The following FMN1 variants were observed in gnomAD, a reference collection of about 807,000 sequenced individuals.
The protein encoded by FMN1 is formin-1.
Under a neutral mutation model 132.4 loss-of-function variants are expected in FMN1, and 110 were observed. The ratio of observed to expected loss-of-function variants is 0.83; its 90% confidence interval spans 0.71 to 0.97. FMN1 has a LOEUF of 0.97. Ranked by LOEUF, FMN1 falls within the 50% of genes least tolerant of loss-of-function variation. FMN1 has a pLI of 0.00. For missense variants in FMN1, 1,792 were observed against 1,705.3 expected, an observed-to-expected ratio of 1.05 and a Z score of -0.90; for synonymous variants, 722 against 651.7, an observed-to-expected ratio of 1.11 and a Z score of -1.64.
Position 33,018,421 on chromosome 15 carries a change from G to T in FMN1, c.2162-10346C>A, listed in dbSNP as rs115687614. Among the ~76,000 whole-genome samples, 710 of 152,254 alleles carry T rather than the reference G, an allele frequency of 4.7e-3. 8 individuals are homozygous for T. The highest frequency in any genetic ancestry group is 0.016 in the African/African-American group (684 of 41,542). ...AACCTATGGGGAGGGCAGAGGAGCT[G>T]AAGGTTGAGTCGCTCACCAATGGCC... On this transcript the variant is annotated intron_variant, in intron 6 of 20. Transcript: ENST00000616417.
chr15:32,862,565 T>C, intron 16 of FMN1, among the ~76,000 whole-genome samples: 1 of 152,198 alleles, frequency 6.6e-6, no homozygotes, highest in East Asian at 1.9e-4. Flanking sequence ...GATATTAGGC[T>C]GTTAAGGTCA....
At chr15:33,067,773 G>A in intron 5 of FMN1, 1 of 1,613,930 alleles carries the variant, frequency 6.2e-7, no homozygotes, top group Non-Finnish European at 8.5e-7. Context: ...AACCCAAATA[G>A]GGATTTCATA....
chr15:32,885,719 T>A (rs2059881567), intron 16 of FMN1, among the ~76,000 whole-genome samples: 1 of 152,208 alleles, frequency 6.6e-6, no homozygotes, highest in Non-Finnish European at 1.5e-5. Context: ...GAAAGATGCT[T>A]AATGACAACT....
intron 7 of FMN1, among the ~76,000 whole-genome samples, chr15:32,976,184 C>G (rs1217058052): frequency 6.6e-6 from 1 of 152,086 alleles, no homozygotes; most frequent in African/African-American, 2.4e-5. Flanking sequence ...GGGACTCTTC[C>G]AAATTCTACA....
intron 4 of FMN1, among the ~76,000 whole-genome samples, chr15:33,093,469 T>C (rs535639047): frequency 2.0e-5 from 3 of 152,324 alleles, no homozygotes; most frequent in African/African-American, 4.8e-5. Context: ...TAATCACTCA[T>C]GTCTGTATCT....
intron 14 of FMN1, chr15:32,899,705 G>A: frequency 2.1e-6 from 1 of 472,382 alleles, no homozygotes; most frequent in South Asian, 2.6e-5. Flanking sequence ...TTCTCTCACT[G>A]AGTAGCAGTT....
At chr15:33,139,516 G>T (rs545387736) in intron 4 of FMN1, among the ~76,000 whole-genome samples, 2 of 152,288 alleles carry the variant, frequency 1.3e-5, no homozygotes, top group South Asian at 4.1e-4. Context: ...ACTTGAATCC[G>T]GGAGGTGGAG....
intron 9 of FMN1, among the ~76,000 whole-genome samples, chr15:32,938,298 G>A (rs368036898): frequency 2.0e-5 from 3 of 152,136 alleles, no homozygotes; most frequent in Admixed American, 6.5e-5. Flanking sequence ...AGAGGTCGAG[G>A]TGGGTGGATC....
chr15:33,127,605 G>C (rs1963220253), intron 4 of FMN1, among the ~76,000 whole-genome samples: 1 of 151,328 alleles, frequency 6.6e-6, no homozygotes, highest in African/African-American at 2.4e-5. Flanking sequence ...AGTCAACCAA[G>C]ACAGAAGTTA....
At chr15:32,905,091 T>A (rs555122363) in intron 12 of FMN1, among the ~76,000 whole-genome samples, 1 of 152,336 alleles carries the variant, frequency 6.6e-6, no homozygotes, top group East Asian at 1.9e-4. Context: ...TTCCCTTCTT[T>A]CTCCAATGTA....
At chr15:33,190,214 A>G (rs1476327813) in intron 2 of FMN1, among the ~76,000 whole-genome samples, 17 of 152,214 alleles carry the variant, frequency 1.1e-4, no homozygotes, top group Admixed American at 1.1e-3. Flanking sequence ...GCTCTTTAAT[A>G]CTTAGAAGTA....
chr15:32,799,069 G>C, intron 18 of FMN1, 116 bp from the exon 19 acceptor site: 1 of 737,356 alleles, frequency 1.4e-6, no homozygotes, highest in Non-Finnish European at 2.2e-6. Context: ...TTGTAACACA[G>C]AAGCTGGGGG....
At chr15:32,941,821 T>A (rs1367089538) in intron 9 of FMN1, among the ~76,000 whole-genome samples, 1 of 151,540 alleles carries the variant, frequency 6.6e-6, no homozygotes, top group East Asian at 1.9e-4. Context: ...AAGATCACCA[T>A]TTTTTTTTAA....
At chr15:33,114,018 T>TCCC (rs1489233416) in intron 4 of FMN1, among the ~76,000 whole-genome samples, 1 of 152,190 alleles carries the variant, frequency 6.6e-6, no homozygotes, top group Non-Finnish European at 1.5e-5. Flanking sequence ...TCAAGCCTCC[T>TCCC]CCCCTTGGCA....
intron 4 of FMN1, among the ~76,000 whole-genome samples, chr15:33,097,907 CT>C (rs1433549607): frequency 6.6e-6 from 1 of 152,226 alleles, no homozygotes; most frequent in South Asian, 2.1e-4. Flanking sequence ...TCAATTTTAC[CT>C]CACATTTATA....
At chr15:33,127,327 C>A (rs1325417703) in intron 4 of FMN1, among the ~76,000 whole-genome samples, 1 of 151,840 alleles carries the variant, frequency 6.6e-6, no homozygotes, top group African/African-American at 2.4e-5. Flanking sequence ...CCTCCACATT[C>A]AACCTGGACC....
rs1567149947 is a variant in FMN1 at position 32,777,667 on chromosome 15, C to CATAACACATTTATATATTACGT, written c.4131-770_4131-749dup. Among the ~76,000 whole-genome samples, 20 of 102,638 alleles carry CATAACACATTTATATATTACGT rather than the reference C, an allele frequency of 1.9e-4. 1 individual carries two copies. Among genetic ancestry groups the CATAACACATTTATATATTACGT allele is most frequent in the African/African-American group, 6.7e-4 (18 of 26,980 alleles). The allele number at this position is 102,638 out of a possible 152,430, so 67.3% of individuals were successfully genotyped here. ...TAACACATTTATATATTACGTATAA[C>CATAACACATTTATATATTACGT]ATAACACATTTATATATTACGTATA... On this transcript the variant is annotated intron_variant, in intron 19 of 20. Transcript: ENST00000616417.
At chr15:33,186,457 A>T (rs1965890453) in intron 2 of FMN1, among the ~76,000 whole-genome samples, 1 of 152,046 alleles carries the variant, frequency 6.6e-6, no homozygotes, top group Admixed American at 6.6e-5. Context: ...TGACCCTGCT[A>T]CAAAACAGTG....
At position 32,845,346 on chromosome 15, in the gene FMN1, T is replaced by C. The variant is rs1052278583; in HGVS notation, c.3928+11669A>G. ...TCTTTACTAATTACAATGGAAACTT[T>C]GTTGTTATTGTTGGGAAAGGTAAAA... On this transcript the variant is annotated intron_variant, in intron 17 of 20. Transcript: ENST00000616417. Among the ~76,000 whole-genome samples, 4 of 152,246 alleles carry C rather than the reference T, an allele frequency of 2.6e-5. No individual in the cohort carries two copies. The East Asian group carries it at 5.8e-4, about 22-fold the overall frequency.
Sources: gnomAD v4.1 joint callset for allele counts (sites outside exome capture counted in the v4.1 genomes callset) on GRCh38, gnomAD v4.1.1 for gene constraint, MANE v1.5 for transcripts, NCBI Gene and HGNC (gene_info 2026-07-23, HGNC 2026-07-21) for gene names.